WAC: variants seen among roughly 807,000 people sequenced by gnomAD.
WAC encodes the protein WW domain containing adaptor with coiled-coil, also known as WW domain-containing adapter protein with coiled-coil.
Under a neutral mutation model 79.6 loss-of-function variants are expected in WAC, and 11 were observed. That is an observed-to-expected ratio of 0.14 (90% CI 0.09 to 0.23). The LOEUF is 0.23. WAC is among the 10% of genes least tolerant of loss of function. WAC has a pLI of 1.00. For synonymous variants in WAC, 304 were observed against 276.9 expected, an observed-to-expected ratio of 1.10 and a Z score of -0.97; for missense variants, 728 against 773.5, an observed-to-expected ratio of 0.94 and a Z score of 0.70.
At chr10:28,535,829 A>G in intron 3 of WAC, 72 bp downstream of exon 3, 1 of 1,300,328 alleles carries the variant, frequency 7.7e-7, no homozygotes, top group South Asian at 1.5e-5. Context: ...CGGCAGTAGT[A>G]TTTCTAGCTT....
chr10:28,600,739 A>G (rs1840601192), intron 7 of WAC, among the ~76,000 whole-genome samples: 1 of 152,156 alleles, frequency 6.6e-6, no homozygotes, highest in Non-Finnish European at 1.5e-5. Flanking sequence ...GACATTTAAA[A>G]CTTCTTTATA....
chr10:28,553,361 C>A (rs1245741476), intron 3 of WAC, among the ~76,000 whole-genome samples: 2 of 152,110 alleles, frequency 1.3e-5, no homozygotes, highest in East Asian at 3.9e-4. Context: ...TATTCATTTT[C>A]TGCTTAAGTC....
chr10:28,617,247 C>G (rs558803709), intron 12 of WAC, among the ~76,000 whole-genome samples: 1 of 152,082 alleles, frequency 6.6e-6, no homozygotes, highest in Non-Finnish European at 1.5e-5. Context: ...CTGGGGTGTT[C>G]GAAAGTTTAC....
chr10:28,604,541 G>A (rs1352684261), intron 7 of WAC, among the ~76,000 whole-genome samples: 4 of 152,112 alleles, frequency 2.6e-5, no homozygotes, highest in Non-Finnish European at 5.9e-5. Flanking sequence ...AGACCAGCTT[G>A]GCCAATATGG....
At chr10:28,576,827 C>T (rs1564396548) in intron 3 of WAC, among the ~76,000 whole-genome samples, 1 of 152,166 alleles carries the variant, frequency 6.6e-6, no homozygotes, top group Non-Finnish European at 1.5e-5. Context: ...TAGTAGCCAA[C>T]ATCTGGAATT....
intron 9 of WAC, chr10:28,611,309 G>A (rs1841227976): frequency 7.7e-7 from 1 of 1,293,080 alleles, no homozygotes; most frequent in African/African-American, 1.5e-5. Flanking sequence ...AGGAGCAAAT[G>A]GGAAGTGAAA....
intron 7 of WAC, among the ~76,000 whole-genome samples, chr10:28,607,306 G>A (rs897244344): frequency 1.3e-5 from 2 of 152,032 alleles, no homozygotes; most frequent in Non-Finnish European, 2.9e-5. Flanking sequence ...TTAAATGTAA[G>A]TTTTTATATT....
chr10:28,565,515 G>C (rs1019367449), intron 3 of WAC, among the ~76,000 whole-genome samples: 40 of 152,278 alleles, frequency 2.6e-4, no homozygotes, highest in African/African-American at 9.4e-4. Flanking sequence ...TGGGACTACA[G>C]GTGTGCACCA....
chr10:28,569,328 G>C (rs903332426), intron 3 of WAC, among the ~76,000 whole-genome samples: 8 of 152,118 alleles, frequency 5.3e-5, no homozygotes, highest in African/African-American at 1.9e-4. Flanking sequence ...TTCATATTAA[G>C]GAAACATTCA....
chr10:28,583,551 G>GTA, intron 4 of WAC, 46 bp downstream of exon 4: 1 of 874,390 alleles, frequency 1.1e-6, no homozygotes. Context: ...GGAATTTTTT[G>GTA]CAAAAAAAAA....
At chr10:28,550,999 C>G (rs534881371) in intron 3 of WAC, among the ~76,000 whole-genome samples, 1 of 152,146 alleles carries the variant, frequency 6.6e-6, no homozygotes, top group Non-Finnish European at 1.5e-5. Context: ...TTTTATTGTT[C>G]CTTTTCCAAA....
intron 3 of WAC, among the ~76,000 whole-genome samples, chr10:28,583,001 A>G (rs1289693832): frequency 6.6e-6 from 1 of 152,198 alleles, no homozygotes; most frequent in East Asian, 1.9e-4. Context: ...GCAAAAACAT[A>G]CTGATAACAG....
In WAC at chr10:28,568,991, A is replaced by G. The variant is rs77415016; in HGVS notation, c.275-14408A>G. On this transcript the variant is annotated intron_variant, in intron 3 of 13. Coordinates refer to ENST00000354911, the MANE Select transcript of WAC (RefSeq NM_016628.5). ...TGTACATGTGGATTACATACAATAT[A>G]TGCATTGTACATGTGGAGTTGCTGT... Among the ~76,000 whole-genome samples the G allele has an allele frequency of 4.9e-3, 747 of 152,348 alleles. 6 individuals are homozygous for G. The highest frequency in any genetic ancestry group is 0.017 in the African/African-American group (711 of 41,586).
intron 3 of WAC, among the ~76,000 whole-genome samples, chr10:28,574,033 G>A (rs1839114787): frequency 1.3e-5 from 2 of 152,074 alleles, no homozygotes; most frequent in Admixed American, 6.5e-5. Context: ...GCATGTATTA[G>A]TACTCATTTC....
At chr10:28,610,621 C>G (rs931971253) in intron 8 of WAC, 78 bp from the exon 9 acceptor site, 2 of 1,416,064 alleles carry the variant, frequency 1.4e-6, no homozygotes, top group East Asian at 2.5e-5. Flanking sequence ...CTTGTGAGTT[C>G]TCTTCCTTGT....
chr10:28,542,773 C>T (rs1837129168), intron 3 of WAC, among the ~76,000 whole-genome samples: 1 of 152,212 alleles, frequency 6.6e-6, no homozygotes, highest in African/African-American at 2.4e-5. Flanking sequence ...TAGTGTTTCT[C>T]ACAGGTGAAA....
chr10:28,578,803 CA>C (rs1049134412), intron 3 of WAC, among the ~76,000 whole-genome samples: 26 of 152,154 alleles, frequency 1.7e-4, no homozygotes, highest in South Asian at 1.0e-3. Flanking sequence ...ATTATTCTGT[CA>C]AAAATACTGA....
At chr10:28,615,863 A>G in intron 11 of WAC, 1 of 227,886 alleles carries the variant, frequency 4.4e-6, no homozygotes, top group Non-Finnish European at 8.6e-6. Context: ...CAGCTGTTAA[A>G]ATGTGACTTT....
At chr10:28,599,487 G>A (rs1004511253) in intron 7 of WAC, among the ~76,000 whole-genome samples, 2 of 152,204 alleles carry the variant, frequency 1.3e-5, no homozygotes, top group African/African-American at 2.4e-5. Flanking sequence ...TGTTGTATAG[G>A]CATCCATGTT....
Sources: allele counts gnomAD v4.1 joint callset (sites outside exome capture counted in the v4.1 genomes callset), GRCh38; gene constraint gnomAD v4.1.1; transcripts MANE v1.5; gene names NCBI Gene and HGNC (gene_info 2026-07-23, HGNC 2026-07-21).